Variants in RBFOX1 observed in about 807,000 individuals in gnomAD.
The protein encoded by RBFOX1 is RNA binding fox-1 homolog 1, also known as RNA binding protein fox-1 homolog 1.
A neutral mutation model predicts 57.7 loss-of-function variants in RBFOX1; 8 were observed. That is an observed-to-expected ratio of 0.14 (90% CI 0.08 to 0.25). The LOEUF (loss-of-function observed/expected upper bound fraction) is 0.25. RBFOX1 is among the 10% of genes least tolerant of loss of function. RBFOX1 has a pLI of 1.00. For missense variants in RBFOX1, 611 were observed against 548.5 expected, an observed-to-expected ratio of 1.11 and a Z score of -1.14; for synonymous variants, 326 against 222.4, an observed-to-expected ratio of 1.47 and a Z score of -4.15.
At chr16:7,031,632 A>G (rs560430732) in intron 3 of RBFOX1, among the ~76,000 whole-genome samples, 1 of 152,190 alleles carries the variant, frequency 6.6e-6, no homozygotes, top group East Asian at 1.9e-4. Flanking sequence ...AAGAAAGGCA[A>G]TGTCAACGAC....
At chr16:7,563,787 C>G (rs1345613088) in intron 5 of RBFOX1, among the ~76,000 whole-genome samples, 3 of 151,916 alleles carry the variant, frequency 2.0e-5, no homozygotes, top group African/African-American at 2.4e-5. Flanking sequence ...TTTTAACTAC[C>G]TATCCTGGAA....
intron 3 of RBFOX1, among the ~76,000 whole-genome samples, chr16:7,018,871 C>A (rs1288168620): frequency 6.6e-6 from 1 of 152,040 alleles, no homozygotes; most frequent in Non-Finnish European, 1.5e-5. Flanking sequence ...GTAATCTCAG[C>A]ACATTGGGAG....
intron 3 of RBFOX1, among the ~76,000 whole-genome samples, chr16:6,859,396 T>G (rs897912511): frequency 6.6e-6 from 1 of 151,866 alleles, no homozygotes; most frequent in African/African-American, 2.4e-5. Flanking sequence ...TTGCCCATAC[T>G]TGGCTCTAAT....
intron 2 of RBFOX1, among the ~76,000 whole-genome samples, chr16:6,501,464 A>G (rs946172709): frequency 6.6e-6 from 1 of 152,024 alleles, no homozygotes; most frequent in Admixed American, 6.6e-5. Flanking sequence ...TACAAAGGAC[A>G]TGAACTCACC....
intron 3 of RBFOX1, among the ~76,000 whole-genome samples, chr16:6,671,366 C>G (rs1323895581): frequency 6.6e-6 from 1 of 152,076 alleles, no homozygotes; most frequent in Non-Finnish European, 1.5e-5. Context: ...AAAAACACAT[C>G]TTATAAGATA....
At chr16:6,732,169 T>C (rs1212021613) in intron 3 of RBFOX1, among the ~76,000 whole-genome samples, 1 of 152,170 alleles carries the variant, frequency 6.6e-6, no homozygotes, top group East Asian at 1.9e-4. Flanking sequence ...GATCCCTCCA[T>C]CTTTCCAAAG....
At chr16:7,144,487 A>C (rs2074527525) in intron 4 of RBFOX1, among the ~76,000 whole-genome samples, 1 of 129,452 alleles carries the variant, frequency 7.7e-6, no homozygotes. Context: ...GGTGGCACAC[A>C]CACAGCAGCT....
chr16:5,684,973 A>G (rs2050459849), intron 3 of RBFOX1, among the ~76,000 whole-genome samples: 1 of 152,162 alleles, frequency 6.6e-6, no homozygotes. Context: ...AAAGTCACTA[A>G]TGAAGTTGGG....
chr16:6,014,207 C>T (rs936995556), upstream of RBFOX1, among the ~76,000 whole-genome samples: 2 of 151,764 alleles, frequency 1.3e-5, no homozygotes, highest in African/African-American at 4.8e-5. Flanking sequence ...TAGTAAATAC[C>T]ACATGCTTGT....
At chr16:5,284,755 GATTTTT>G (rs1381908016) in intron 1 of RBFOX1, among the ~76,000 whole-genome samples, 1 of 28,508 alleles carries the variant, frequency 3.5e-5, no homozygotes, top group African/African-American at 1.4e-4. Flanking sequence ...TTTTGGCTTA[GATTTTT>G]TTTTTTTTTT....
At chr16:7,032,498 G>A (rs1361867463) in intron 3 of RBFOX1, among the ~76,000 whole-genome samples, 1 of 151,820 alleles carries the variant, frequency 6.6e-6, no homozygotes, top group Non-Finnish European at 1.5e-5. Flanking sequence ...TTTTTTAAAG[G>A]AAAAAAATAA....
intron 4 of RBFOX1, among the ~76,000 whole-genome samples, chr16:6,011,054 A>G (rs1398785460): frequency 6.6e-6 from 1 of 152,238 alleles, no homozygotes; most frequent in African/African-American, 2.4e-5. Context: ...TAAATGGCTT[A>G]AATATCTTTA....
At chr16:5,655,856 A>C (rs1382265825) in intron 3 of RBFOX1, among the ~76,000 whole-genome samples, 1 of 152,196 alleles carries the variant, frequency 6.6e-6, no homozygotes, top group Non-Finnish European at 1.5e-5. Flanking sequence ...CTTTGGAAGT[A>C]CTTTGCACAC....
chr16:6,674,511 G>A (rs1319541283), intron 3 of RBFOX1, among the ~76,000 whole-genome samples: 3 of 151,932 alleles, frequency 2.0e-5, no homozygotes, highest in African/African-American at 4.8e-5. Flanking sequence ...TAGTAGAGAC[G>A]GGGTTTCGTC....
intron 4 of RBFOX1, among the ~76,000 whole-genome samples, chr16:7,076,780 C>T (rs1281274275): frequency 6.6e-6 from 1 of 152,162 alleles, no homozygotes; most frequent in Non-Finnish European, 1.5e-5. Context: ...AACTTCCATT[C>T]CAATGTCATG....
At chr16:6,029,388 A>G (rs763476769) in intron 1 of RBFOX1, among the ~76,000 whole-genome samples, 2 of 152,238 alleles carry the variant, frequency 1.3e-5, no homozygotes, top group Non-Finnish European at 2.9e-5. Context: ...CCGATTAGCC[A>G]CAAATTTTAA....
intron 1 of RBFOX1, among the ~76,000 whole-genome samples, chr16:6,297,672 C>T (rs1460568156): frequency 6.6e-6 from 1 of 151,946 alleles, no homozygotes; most frequent in Non-Finnish European, 1.5e-5. Flanking sequence ...CCCACCACAC[C>T]CCCCTATCCT....
chr16:6,368,569 G>A (rs1413716135), intron 2 of RBFOX1, among the ~76,000 whole-genome samples: 4 of 152,114 alleles, frequency 2.6e-5, no homozygotes, highest in African/African-American at 9.7e-5. Flanking sequence ...TAATTCTTCT[G>A]CTCTATGATC....
chr16:7,257,978 A>G (rs944101121), intron 4 of RBFOX1, among the ~76,000 whole-genome samples: 1 of 152,202 alleles, frequency 6.6e-6, no homozygotes, highest in Non-Finnish European at 1.5e-5. Context: ...CTAATGAAGG[A>G]ATTCTGTATC....
Sources: gnomAD v4.1 joint callset for allele counts (sites outside exome capture counted in the v4.1 genomes callset) on GRCh38, gnomAD v4.1.1 for gene constraint, MANE v1.5 for transcripts, NCBI Gene and HGNC (gene_info 2026-07-23, HGNC 2026-07-21) for gene names.